Variants in HS3ST5 observed in about 807,000 individuals in gnomAD.
HS3ST5 encodes heparan sulfate-glucosamine 3-sulfotransferase 5.
HS3ST5 carries 10 observed loss-of-function variants against 25.4 expected under a neutral mutation model. The ratio of observed to expected loss-of-function variants is 0.39; its 90% confidence interval spans 0.24 to 0.67. The LOEUF (loss-of-function observed/expected upper bound fraction) is 0.67. Among genes scored for constraint, HS3ST5 ranks in the 30% least tolerant of loss-of-function variants. The pLI, the probability that HS3ST5 is intolerant of heterozygous loss-of-function variation, is 0.44. For missense variants in HS3ST5, 324 were observed against 420.7 expected (o/e 0.77, Z 2.01); for synonymous variants, 170 against 162.4 (o/e 1.05, Z -0.36).
At chr6:114,161,766 C>A (rs1316647808) in intron 3 of HS3ST5, among the ~76,000 whole-genome samples, 3 of 137,476 alleles carry the variant, frequency 2.2e-5, no homozygotes, top group African/African-American at 7.6e-5. Context: ...TTGGATAAAT[C>A]ATAAAATCAC....
intron 1 of HS3ST5, among the ~76,000 whole-genome samples, chr6:114,316,223 T>C (rs941064037): frequency 2.0e-5 from 3 of 152,226 alleles, no homozygotes; most frequent in Non-Finnish European, 4.4e-5. Context: ...AGAAATTATT[T>C]TTTGTATTTT....
intron 1 of HS3ST5, among the ~76,000 whole-genome samples, chr6:114,327,545 C>G (rs1159041895): frequency 6.6e-6 from 1 of 152,124 alleles, no homozygotes; most frequent in East Asian, 1.9e-4. Flanking sequence ...GTATATTATA[C>G]AGAGTCTATT....
At chr6:114,333,868 A>G (rs982144793) in intron 1 of HS3ST5, among the ~76,000 whole-genome samples, 2 of 152,172 alleles carry the variant, frequency 1.3e-5, no homozygotes, top group Non-Finnish European at 2.9e-5. Context: ...TCACACATCT[A>G]GTCTAGATTT....
At chr6:114,331,024 C>T (rs1475471580) in intron 1 of HS3ST5, among the ~76,000 whole-genome samples, 5 of 152,188 alleles carry the variant, frequency 3.3e-5, no homozygotes, top group Non-Finnish European at 7.3e-5. Flanking sequence ...CTTTCAGCTA[C>T]TTATAACACG....
intron 3 of HS3ST5, among the ~76,000 whole-genome samples, chr6:114,156,578 A>C (rs1447112277): frequency 1.3e-5 from 2 of 152,190 alleles, no homozygotes; most frequent in African/African-American, 4.8e-5. Flanking sequence ...TCCACTTATT[A>C]TTTGTACCCT....
intron 2 of HS3ST5, among the ~76,000 whole-genome samples, chr6:114,213,415 A>G (rs1781607637): frequency 6.6e-6 from 1 of 151,872 alleles, no homozygotes; most frequent in Non-Finnish European, 1.5e-5. Flanking sequence ...ACAGGAAGGC[A>G]TGTTCTCACT....
chr6:114,252,198 C>G (rs1445341936), intron 1 of HS3ST5, among the ~76,000 whole-genome samples: 1 of 151,912 alleles, frequency 6.6e-6, no homozygotes, highest in Non-Finnish European at 1.5e-5. Context: ...GTAAGTGTCT[C>G]TATGCCTTCA....
intron 1 of HS3ST5, among the ~76,000 whole-genome samples, chr6:114,287,767 C>T (rs1196609299): frequency 6.6e-6 from 1 of 151,940 alleles, no homozygotes; most frequent in Non-Finnish European, 1.5e-5. Flanking sequence ...GCAGAACCGA[C>T]CAATGGTCTG....
chr6:114,120,498 TTGTG>T (rs199617938), intron 3 of HS3ST5, among the ~76,000 whole-genome samples: 1 of 152,062 alleles, frequency 6.6e-6, no homozygotes, highest in Middle Eastern at 3.4e-3. Context: ...TTAAAAATGT[TTGTG>T]TGTGTGTGTG....
intron 3 of HS3ST5, among the ~76,000 whole-genome samples, chr6:114,077,024 C>T (rs1338515479): frequency 1.3e-5 from 2 of 152,138 alleles, no homozygotes; most frequent in African/African-American, 2.4e-5. Flanking sequence ...CTTATCTTCC[C>T]TGGAGTTATG....
At chr6:114,213,886 G>A (rs925513664) in intron 2 of HS3ST5, among the ~76,000 whole-genome samples, 9 of 152,112 alleles carry the variant, frequency 5.9e-5, no homozygotes, top group African/African-American at 2.2e-4. Context: ...CTTTCTACAT[G>A]TTCTCGCCTC....
intron 3 of HS3ST5, among the ~76,000 whole-genome samples, chr6:114,082,598 A>T (rs1323974598): frequency 6.6e-6 from 1 of 152,242 alleles, no homozygotes; most frequent in Non-Finnish European, 1.5e-5. Flanking sequence ...AAGGTGATAA[A>T]GACAGCTTCT....
At chr6:114,262,343 C>T (rs907431199) in intron 1 of HS3ST5, among the ~76,000 whole-genome samples, 3 of 152,258 alleles carry the variant, frequency 2.0e-5, no homozygotes, top group East Asian at 1.9e-4. Flanking sequence ...TTCAGGAGAT[C>T]AAGACCATCC....
chr6:114,224,913 G>A (rs531656858), intron 2 of HS3ST5, among the ~76,000 whole-genome samples: 1 of 151,692 alleles, frequency 6.6e-6, no homozygotes, highest in Non-Finnish European at 1.5e-5. Context: ...TTATTGGCTG[G>A]ATAGATAATA....
chr6:114,313,245 T>G (rs574754133), intron 1 of HS3ST5, among the ~76,000 whole-genome samples: 6 of 152,214 alleles, frequency 3.9e-5, no homozygotes, highest in African/African-American at 1.2e-4. Flanking sequence ...GACTGGAACT[T>G]ACGTTTCTGG....
chr6:114,256,985 T>C (rs931917093), intron 1 of HS3ST5, among the ~76,000 whole-genome samples: 13 of 152,222 alleles, frequency 8.5e-5, no homozygotes, highest in African/African-American at 3.1e-4. Context: ...ACCTCTTATA[T>C]GGTGGCAAGC....
chr6:114,286,858 C>T (rs998265541), intron 1 of HS3ST5, among the ~76,000 whole-genome samples: 2 of 151,888 alleles, frequency 1.3e-5, no homozygotes, highest in African/African-American at 2.4e-5. Context: ...AAAAACAACT[C>T]GCATTTTTGT....
At chr6:114,157,995 T>C (rs1778779048) in intron 3 of HS3ST5, among the ~76,000 whole-genome samples, 1 of 152,176 alleles carries the variant, frequency 6.6e-6, no homozygotes, top group South Asian at 2.1e-4. Flanking sequence ...ATTAACTCCT[T>C]TGCATCCATC....
intron 3 of HS3ST5, among the ~76,000 whole-genome samples, chr6:114,128,260 G>A (rs1056879785): frequency 6.6e-6 from 1 of 152,038 alleles, no homozygotes; most frequent in Admixed American, 6.6e-5. Context: ...TTTGTATGCT[G>A]CGTTTTTGTT....
Sources: allele counts gnomAD v4.1 joint callset (sites outside exome capture counted in the v4.1 genomes callset), GRCh38; gene constraint gnomAD v4.1.1; transcripts MANE v1.5; gene names NCBI Gene and HGNC (gene_info 2026-07-23, HGNC 2026-07-21).